SATB2: variants seen among roughly 807,000 people sequenced by gnomAD.
SATB2 encodes the protein SATB homeobox 2.
A neutral mutation model predicts 73.4 loss-of-function variants in SATB2; 1 was observed. The observed-to-expected ratio is 0.01, with a 90% CI of 0.00 to 0.06. The LOEUF is 0.06. Ranked by LOEUF, SATB2 falls within the 10% of genes least tolerant of loss-of-function variation. SATB2 has a pLI of 1.00. For synonymous variants in SATB2, 397 were observed against 367.0 expected (o/e 1.08, Z -0.93); for missense variants, 459 against 945.8 (o/e 0.49, Z 6.75).
chr2:199,307,234 T>C (rs982559023), intron 10 of SATB2, among the ~76,000 whole-genome samples: 35 of 152,296 alleles, frequency 2.3e-4, no homozygotes, highest in African/African-American at 8.2e-4. Flanking sequence ...TGTTATGAAA[T>C]GATATTGACA....
chr2:199,434,938 T>C (rs1158330934), intron 2 of SATB2, among the ~76,000 whole-genome samples: 1 of 152,138 alleles, frequency 6.6e-6, no homozygotes, highest in Non-Finnish European at 1.5e-5. Context: ...TTAAAGATAA[T>C]AAGTATTGGG....
intron 7 of SATB2, among the ~76,000 whole-genome samples, chr2:199,337,840 TA>T (rs1025926575): frequency 3.3e-5 from 5 of 152,294 alleles, no homozygotes; most frequent in Admixed American, 2.6e-4. Flanking sequence ...AATATGCAAT[TA>T]ACCCAAGGCC....
intron 6 of SATB2, among the ~76,000 whole-genome samples, chr2:199,354,826 T>C (rs917779705): frequency 6.6e-6 from 1 of 152,132 alleles, no homozygotes; most frequent in African/African-American, 2.4e-5. Context: ...CTAAAGTAGG[T>C]AGGGCCTTTG....
intron 10 of SATB2, among the ~76,000 whole-genome samples, chr2:199,302,015 C>G (rs1179794544): frequency 2.0e-5 from 3 of 152,164 alleles, no homozygotes; most frequent in Admixed American, 2.0e-4. Flanking sequence ...CTAGCATCCT[C>G]AATTTCTTTT....
rs1201673032 is a variant in SATB2, at chr2:199,308,840, C to T, written c.1660G>A (p.Val554Ile). The change falls in exon 10 of 11, where the codon GTC becomes ATC. Residue 554 changes from valine (V) to isoleucine (I), a missense_variant. Val to Ile is a conservative substitution (Grantham distance 29). Transcript: ENST00000417098. This position sits in a 1 kb window ranked among gnomAD's most constrained non-coding sequence, Gnocchi z 4.6. ...TGCCTTGACTCCTCCTCATAGATGACATCCCTCTCATGCTGGGGAAGGTTC... is the reference window on the plus strand; with the variant it reads ...TGCCTTGACTCCTCCTCATAGATGATATCCCTCTCATGCTGGGGAAGGTTC... ...FLNLPQHERD[V>I]IYEEESRHHH... The T allele has an allele frequency of 1.7e-5, 27 of 1,614,034 alleles. No homozygotes were observed. The highest frequency in any genetic ancestry group is 2.1e-5 in the Non-Finnish European group (25 of 1,180,006).
chr2:199,409,279 C>T (rs1690737590), intron 3 of SATB2, among the ~76,000 whole-genome samples: 1 of 150,566 alleles, frequency 6.6e-6, no homozygotes, highest in Non-Finnish European at 1.5e-5. Context: ...AAGCAATTCT[C>T]CTGCCTCAGC....
intron 2 of SATB2, among the ~76,000 whole-genome samples, chr2:199,439,717 T>A (rs899911852): frequency 2.0e-5 from 3 of 152,118 alleles, no homozygotes; most frequent in Non-Finnish European, 2.9e-5. Flanking sequence ...TCTCTCTCTC[T>A]CACACTGACA....
chr2:199,323,625 T>C (rs1021920188), intron 9 of SATB2, among the ~76,000 whole-genome samples, 178 bp downstream of exon 9: 8 of 152,000 alleles, frequency 5.3e-5, no homozygotes, highest in Non-Finnish European at 1.0e-4. Flanking sequence ...TTTGGCTTCA[T>C]CTCTATTTTG....
chr2:199,461,985 G>A (rs1471796465), upstream of SATB2, among the ~76,000 whole-genome samples: 2 of 152,196 alleles, frequency 1.3e-5, no homozygotes, highest in African/African-American at 4.8e-5. Flanking sequence ...CCTGGGTGGA[G>A]GGTGCAGGGT....
In SATB2 at chr2:199,440,777, A is replaced by C. The variant is rs149914898; in HGVS notation, c.170-7263T>G. Among the ~76,000 whole-genome samples the C allele has an allele frequency of 2.0e-3, 298 of 152,230 alleles. 4 individuals carry two copies. The highest frequency in any genetic ancestry group is 7.0e-3 in the African/African-American group (290 of 41,512). On this transcript the variant is annotated intron_variant, in intron 2 of 10. Coordinates refer to ENST00000417098, the MANE Select transcript of SATB2 (RefSeq NM_001172509.2). The stretch of plus-strand genomic sequence containing the variant: ...GCCAAGACAGAGGTGGGACAGCAGC[A>C]AGTTCTAAGTGGTTTACAGGTAGAG...
intron 7 of SATB2, among the ~76,000 whole-genome samples, chr2:199,334,023 G>A (rs923188763): frequency 6.6e-6 from 1 of 152,060 alleles, no homozygotes; most frequent in African/African-American, 2.4e-5. Flanking sequence ...AACTTGCAAT[G>A]CTCATCTATT....
upstream of SATB2, among the ~76,000 whole-genome samples, chr2:199,462,351 T>G (rs1692494487): frequency 6.6e-6 from 1 of 151,656 alleles, no homozygotes; most frequent in African/African-American, 2.4e-5. This position sits in a 1 kb window ranked among gnomAD's most constrained non-coding sequence, Gnocchi z 5.9. Flanking sequence ...CCGTGGAGAG[T>G]TGGCGACCAA....
intron 6 of SATB2, among the ~76,000 whole-genome samples, chr2:199,349,747 T>C (rs1688759483): frequency 6.6e-6 from 1 of 152,198 alleles, no homozygotes; most frequent in Non-Finnish European, 1.5e-5. Context: ...GAAATTGATA[T>C]TTTAAACATT....
chr2:199,437,994 A>G (rs1177969346), intron 2 of SATB2, among the ~76,000 whole-genome samples: 1 of 152,208 alleles, frequency 6.6e-6, no homozygotes, highest in East Asian at 1.9e-4. Flanking sequence ...CTACCTGTCC[A>G]TCACAGTAGC....
At chr2:199,290,392 A>G (rs1042249249) in intron 10 of SATB2, among the ~76,000 whole-genome samples, 1 of 152,222 alleles carries the variant, frequency 6.6e-6, no homozygotes, top group African/African-American at 2.4e-5. Flanking sequence ...AACTTAGCAC[A>G]ATGTCAAGGC....
At chr2:199,448,725 G>C (rs1692037290) in intron 2 of SATB2, among the ~76,000 whole-genome samples, 1 of 152,190 alleles carries the variant, frequency 6.6e-6, no homozygotes, top group Admixed American at 6.5e-5. Flanking sequence ...GCAACCATCA[G>C]TGGGCACCAG....
upstream of SATB2, chr2:199,460,446 C>T (rs1448426864): frequency 1.3e-5 from 2 of 152,330 alleles, no homozygotes; most frequent in Non-Finnish European, 2.9e-5. The surrounding 1 kb of genome is among the most constrained non-coding windows in gnomAD (Gnocchi z 4.0). Context: ...CTGTATCCTT[C>T]CTTACCTTGA....
chr2:199,321,825 T>C (rs1370813513), intron 9 of SATB2, among the ~76,000 whole-genome samples: 1 of 151,962 alleles, frequency 6.6e-6, no homozygotes, highest in Non-Finnish European at 1.5e-5. Flanking sequence ...TAGTCAGCTA[T>C]TTACAATAAG....
chr2:199,351,043 A>G (rs948703686), intron 6 of SATB2, among the ~76,000 whole-genome samples: 3 of 151,608 alleles, frequency 2.0e-5, no homozygotes, highest in Non-Finnish European at 2.9e-5. Context: ...AAAAAAAAAA[A>G]AAAAAGAAAA....
Sources: allele counts gnomAD v4.1 joint callset (sites outside exome capture counted in the v4.1 genomes callset), GRCh38; gene constraint gnomAD v4.1.1; non-coding constraint Gnocchi (gnomAD v3.1); transcripts MANE v1.5; gene names NCBI Gene and HGNC (gene_info 2026-07-23, HGNC 2026-07-21).